Variants in TBCK observed in about 807,000 individuals in gnomAD.
TBCK encodes the protein TBC1 domain containing kinase, also known as TBC domain-containing protein kinase-like protein.
TBCK carries 99 observed loss-of-function variants against 113.4 expected under a neutral mutation model. That is an observed-to-expected ratio of 0.87 (90% CI 0.74 to 1.03). The LOEUF (loss-of-function observed/expected upper bound fraction) is 1.03, where lower values mean the gene tolerates loss of function less well. TBCK is among the 50% of genes least tolerant of loss of function. The pLI is 0.00. For synonymous variants in TBCK, 369 were observed against 370.8 expected (o/e 1.00, Z 0.05); for missense variants, 1,045 against 1,061.3 (o/e 0.98, Z 0.21).
intron 22 of TBCK, among the ~76,000 whole-genome samples, chr4:106,193,076 CCTTA>C: frequency 6.6e-6 from 1 of 152,244 alleles, no homozygotes; most frequent in African/African-American, 2.4e-5. Flanking sequence ...TTTACAAACT[CCTTA>C]CTTGTGAATA....
chr4:106,212,710 T>C, intron 20 of TBCK, 40 bp downstream of exon 20: 1 of 1,444,810 alleles, frequency 6.9e-7, no homozygotes, highest in Non-Finnish European at 9.6e-7. Context: ...TCTGCTTTTT[T>C]TTTTTAACCA....
chr4:106,222,385 G>A (rs1325591792), intron 19 of TBCK, among the ~76,000 whole-genome samples: 1 of 151,744 alleles, frequency 6.6e-6, no homozygotes, highest in Non-Finnish European at 1.5e-5. Flanking sequence ...TCATATTTTT[G>A]TGCAACTGTT....
intron 23 of TBCK, among the ~76,000 whole-genome samples, chr4:106,121,100 C>T (rs903377722): frequency 4.6e-5 from 7 of 152,130 alleles, no homozygotes; most frequent in Non-Finnish European, 7.3e-5. Context: ...ACTAGAATAA[C>T]CCATCAGTGT....
intron 2 of TBCK, among the ~76,000 whole-genome samples, chr4:106,306,867 C>A (rs1226009931): frequency 2.6e-5 from 4 of 152,164 alleles, no homozygotes; most frequent in African/African-American, 9.7e-5. Flanking sequence ...CAGAATCAAT[C>A]AATCAAAGTC....
At chr4:106,267,317 T>C (rs1438432978) in intron 3 of TBCK, among the ~76,000 whole-genome samples, 1 of 151,870 alleles carries the variant, frequency 6.6e-6, no homozygotes, top group Non-Finnish European at 1.5e-5. Flanking sequence ...AAAGCAAGAT[T>C]ACATTTGAGG....
intron 22 of TBCK, among the ~76,000 whole-genome samples, chr4:106,185,528 C>T (rs1334333496): frequency 6.6e-6 from 1 of 152,060 alleles, no homozygotes; most frequent in East Asian, 1.9e-4. Context: ...TATAATTCTG[C>T]TTTAGATGGC....
intron 23 of TBCK, among the ~76,000 whole-genome samples, chr4:106,131,864 T>C (rs746618729): frequency 3.9e-5 from 6 of 152,146 alleles, no homozygotes; most frequent in Non-Finnish European, 8.8e-5. Flanking sequence ...TCTCAGATGT[T>C]GACGAGGAAC....
At chr4:106,245,856 A>C (rs1044473551) in intron 10 of TBCK, among the ~76,000 whole-genome samples, 2 of 152,034 alleles carry the variant, frequency 1.3e-5, no homozygotes, top group Admixed American at 6.6e-5. Flanking sequence ...TTTTCCCTAT[A>C]AGTAGCCCTT....
At chr4:106,174,743 T>C (rs1751443168) in intron 22 of TBCK, among the ~76,000 whole-genome samples, 1 of 152,160 alleles carries the variant, frequency 6.6e-6, no homozygotes, top group Non-Finnish European at 1.5e-5. Context: ...ACTTTCCACG[T>C]GTATTTTTGT....
intron 24 of TBCK, among the ~76,000 whole-genome samples, chr4:106,113,157 T>C (rs562046137): frequency 1.3e-5 from 2 of 152,296 alleles, no homozygotes; most frequent in South Asian, 4.1e-4. Flanking sequence ...CTACAAAAAT[T>C]AAAACTAATA....
chr4:106,202,371 C>G (rs1332609825), intron 20 of TBCK, among the ~76,000 whole-genome samples: 1 of 151,906 alleles, frequency 6.6e-6, no homozygotes, highest in Non-Finnish European at 1.5e-5. Context: ...TAGCACAGTA[C>G]TAAAATAAAT....
intron 25 of TBCK, among the ~76,000 whole-genome samples, chr4:106,047,809 C>T (rs1376296255): frequency 6.6e-6 from 1 of 152,100 alleles, no homozygotes; most frequent in African/African-American, 2.4e-5. Context: ...TTTTCTTTGG[C>T]CCTTTGCCTA....
chr4:106,293,249 C>T (rs1765912252), intron 3 of TBCK, among the ~76,000 whole-genome samples: 1 of 152,172 alleles, frequency 6.6e-6, no homozygotes, highest in Admixed American at 6.5e-5. Flanking sequence ...CAGCCTGCTT[C>T]CATTTCCAAC....
At position 106,171,195 on chromosome 4, in the gene TBCK, T is replaced by C. The variant is rs1222868284; in HGVS notation, c.2135A>G (p.Gln712Arg). ...CWTPKSATYR[Q>R]HAQPPKPSSD... ...AGATGGCTTTGGAGGTTGAGCATGC[T>C]GTCTGTAAGTAGCACTTTTAGGAGT... The change falls in exon 23 of 26, where the codon CAG (glutamine) becomes CGG (arginine). Residue 712 changes from glutamine to arginine, a missense_variant. Coordinates refer to ENST00000394708, the MANE Select transcript of TBCK (RefSeq NM_001163435.3). 3.7e-6 allele frequency: 6 copies of C among 1,612,666 alleles called. No individual in the cohort carries two copies. Among genetic ancestry groups the C allele is most frequent in the Non-Finnish European group, 4.2e-6 (5 of 1,179,332 alleles).
At chr4:106,117,558 A>T (rs1235252239) in intron 23 of TBCK, among the ~76,000 whole-genome samples, 1 of 152,190 alleles carries the variant, frequency 6.6e-6, no homozygotes, top group African/African-American at 2.4e-5. Flanking sequence ...AAAATGATTC[A>T]GACTAAGGGC....
At chr4:106,242,727 T>C (rs1340261374) in intron 11 of TBCK, among the ~76,000 whole-genome samples, 158 bp from the exon 12 acceptor site, 1 of 152,070 alleles carries the variant, frequency 6.6e-6, no homozygotes, top group African/African-American at 2.4e-5. Context: ...ATTATTATTA[T>C]TATACTTTAA....
intron 20 of TBCK, among the ~76,000 whole-genome samples, chr4:106,212,502 T>C (rs1408043319): frequency 2.6e-5 from 4 of 152,126 alleles, no homozygotes; most frequent in African/African-American, 9.7e-5. Context: ...CACAGTTTAA[T>C]ACAACACTAT....
chr4:106,059,789 T>G (rs745657620), intron 25 of TBCK, among the ~76,000 whole-genome samples: 14 of 151,848 alleles, frequency 9.2e-5, no homozygotes, highest in Non-Finnish European at 2.9e-5. Context: ...ATAGCCAAGA[T>G]AGCCCAAAAG....
intron 2 of TBCK, among the ~76,000 whole-genome samples, chr4:106,304,770 C>A (rs1335735006): frequency 6.6e-6 from 1 of 152,168 alleles, no homozygotes; most frequent in Non-Finnish European, 1.5e-5. Context: ...AAATCTCCCT[C>A]TGTAAAGATG....
Sources: gnomAD v4.1 joint callset for allele counts (sites outside exome capture counted in the v4.1 genomes callset) on GRCh38, gnomAD v4.1.1 for gene constraint, MANE v1.5 for transcripts, NCBI Gene and HGNC (gene_info 2026-07-23, HGNC 2026-07-21) for gene names.